Variants in NRIP1 observed in about 807,000 individuals in gnomAD.
NRIP1 encodes nuclear receptor-interacting protein 1.
A neutral mutation model predicts 75.0 loss-of-function variants in NRIP1; 28 were observed. The observed-to-expected ratio is 0.37, with a 90% CI of 0.28 to 0.51. The LOEUF is 0.51. Among genes scored for constraint, NRIP1 ranks in the 20% least tolerant of loss-of-function variants. NRIP1 has a pLI of 0.92. For missense variants in NRIP1, 1,435 were observed against 1,343.7 expected (o/e 1.07, Z -1.06); for synonymous variants, 526 against 487.6 (o/e 1.08, Z -1.04).
intron 3 of NRIP1, among the ~76,000 whole-genome samples, chr21:14,979,048 T>C (rs971972963): frequency 6.6e-6 from 1 of 152,214 alleles, no homozygotes; most frequent in Non-Finnish European, 1.5e-5. Flanking sequence ...TTATGATTAG[T>C]ACTAATGTCT....
chr21:15,056,471 T>C (rs1219803974), intron 1 of NRIP1, among the ~76,000 whole-genome samples: 1 of 152,168 alleles, frequency 6.6e-6, no homozygotes, highest in Non-Finnish European at 1.5e-5. Flanking sequence ...TCAATCCTTA[T>C]ATTTGGCTTC....
At chr21:15,045,963 T>C (rs568811482) in intron 1 of NRIP1, among the ~76,000 whole-genome samples, 2 of 152,294 alleles carry the variant, frequency 1.3e-5, no homozygotes, top group East Asian at 3.9e-4. Flanking sequence ...CCACTTCTAA[T>C]TCTAGTTTTC....
rs1238368462 is a variant in NRIP1, at chr21:14,963,783, G to A, written c.*933C>T. ...TTCTAATGCAAGTGGTCTGAGTTCA[G>A]GTTTAAGGAATCCTGGTCATAACAC... On this transcript the variant is annotated 3_prime_UTR_variant, in exon 4 of 4. Coordinates refer to ENST00000318948, the MANE Select transcript of NRIP1 (RefSeq NM_003489.4). 1 of 152,088 alleles carries A rather than the reference G, an allele frequency of 6.6e-6. No individual in the cohort carries two copies. The highest frequency in any genetic ancestry group is 6.6e-5 in the Admixed American group (1 of 15,256). The allele number at this position is 152,088 out of a possible 1,614,324, so 9.4% of individuals were successfully genotyped here.
chr21:14,989,841 T>C (rs1568962048), intron 3 of NRIP1, among the ~76,000 whole-genome samples: 1 of 152,020 alleles, frequency 6.6e-6, no homozygotes, highest in South Asian at 2.1e-4. Context: ...AAGAAACACG[T>C]TTCATATTCA....
At chr21:15,052,190 T>C (rs576975664) in intron 1 of NRIP1, 1 of 152,326 alleles carries the variant, frequency 6.6e-6, no homozygotes, top group South Asian at 2.1e-4. Flanking sequence ...CTCACCCATT[T>C]CATAGCTTTT....
intron 2 of NRIP1, among the ~76,000 whole-genome samples, chr21:15,026,206 GT>G (rs1406522980): frequency 6.6e-6 from 1 of 152,126 alleles, no homozygotes; most frequent in Non-Finnish European, 1.5e-5. Context: ...TAAAAAAACA[GT>G]TTTGAGTACA....
In NRIP1 at chr21:14,976,059, G is replaced by A. The variant is rs553261957; in HGVS notation, c.-334-7533C>T. Among the ~76,000 whole-genome samples, 4 of 152,130 alleles carry A rather than the reference G, an allele frequency of 2.6e-5. No homozygotes were observed. The South Asian group carries it at 6.2e-4, about 24-fold the overall frequency. ...AAAAGCATTTGAAAACTAAAACTGA[G>A]TCCAAAGAACCCTGATAGTATACCA... On this transcript the variant is annotated intron_variant, in intron 3 of 3. Transcript: ENST00000318948.
chr21:14,987,006 A>G (rs138749061), intron 3 of NRIP1, among the ~76,000 whole-genome samples: 1 of 152,346 alleles, frequency 6.6e-6, no homozygotes, highest in Non-Finnish European at 1.5e-5. Context: ...CTAATCAATC[A>G]TCCTGTCTGA....
At chr21:14,994,494 T>G (rs1323626827) in intron 3 of NRIP1, among the ~76,000 whole-genome samples, 2 of 152,218 alleles carry the variant, frequency 1.3e-5, no homozygotes, top group African/African-American at 4.8e-5. Flanking sequence ...AAAATAAAAC[T>G]ATTAGCTTAC....
At position 14,966,105 on chromosome 21, in the gene NRIP1, T is replaced by C; in HGVS notation, c.2088A>G (p.Pro696=). 3.7e-6 allele frequency: 6 copies of C among 1,612,444 alleles called. No homozygotes were observed. Among genetic ancestry groups the C allele is most frequent in the Non-Finnish European group, 5.1e-6 (6 of 1,179,970 alleles). ...TTTCTATTTCAGAACCAGAAAGCCC[T>C]GGTTCAGGACCTGTTGGTTGACTAC... ...AFSSQPTGPE[P]GLSGSEIENL... The change falls in exon 4 of 4, where the codon CCA becomes CCG. Residue 696 remains proline (P), a synonymous_variant. Coordinates refer to ENST00000318948, the MANE Select transcript of NRIP1 (RefSeq NM_003489.4).
intron 2 of NRIP1, among the ~76,000 whole-genome samples, chr21:15,036,075 T>C (rs1335970804): frequency 6.6e-6 from 1 of 152,200 alleles, no homozygotes; most frequent in African/African-American, 2.4e-5. Flanking sequence ...TGTGAGGTTA[T>C]ATCCATTTCT....
chr21:14,986,217 C>T (rs1419823074), intron 3 of NRIP1, among the ~76,000 whole-genome samples: 1 of 152,060 alleles, frequency 6.6e-6, no homozygotes, highest in African/African-American at 2.4e-5. Context: ...TATGAATGTT[C>T]AATGAATATG....
At chr21:15,064,439 C>T (rs1978662838) in intron 1 of NRIP1, among the ~76,000 whole-genome samples, 1 of 152,106 alleles carries the variant, frequency 6.6e-6, no homozygotes, top group South Asian at 2.1e-4. Flanking sequence ...CCCGGCCCCC[C>T]GAGTCCGGCC....
intron 1 of NRIP1, among the ~76,000 whole-genome samples, chr21:15,055,895 G>A (rs562400438): frequency 6.6e-6 from 1 of 151,738 alleles, no homozygotes; most frequent in East Asian, 1.9e-4. Context: ...AGGAAGATAA[G>A]TAATTATTGA....
chr21:15,050,740 AG>A, intron 1 of NRIP1: 1 of 456,050 alleles, frequency 2.2e-6, no homozygotes, highest in South Asian at 1.5e-5. Flanking sequence ...CTGGCTGGGA[AG>A]AGATTGCCCC....
chr21:14,967,529 C>T lies in NRIP1; in HGVS notation c.664G>A (p.Val222Ile). The change falls in exon 4 of 4, where the codon GTT (valine) becomes ATT (isoleucine). Residue 222 changes from valine (V) to isoleucine (I), a missense_variant. Coordinates refer to ENST00000318948, the MANE Select transcript of NRIP1 (RefSeq NM_003489.4). ...ATGACCTTTGTTCCACTTTGTCCAA[C>T]ATGATGAGGAGACTCTGCAAACCTA... ...RDRFAESPHH[V>I]GQSGTKVMSE... is the part of the protein sequence containing the mutation. 1.2e-6 allele frequency: 2 copies of T among 1,614,174 alleles called. No homozygotes were observed. Among genetic ancestry groups the T allele is most frequent in the Non-Finnish European group, 1.7e-6 (2 of 1,180,030 alleles).
intron 3 of NRIP1, among the ~76,000 whole-genome samples, chr21:14,990,320 C>T (rs2147067431): frequency 6.6e-6 from 1 of 151,836 alleles, no homozygotes; most frequent in East Asian, 1.9e-4. Flanking sequence ...CATTCAGATA[C>T]TGATATAATG....
At chr21:14,982,810 G>A (rs1226758860) in intron 3 of NRIP1, among the ~76,000 whole-genome samples, 1 of 150,904 alleles carries the variant, frequency 6.6e-6, no homozygotes, top group Non-Finnish European at 1.5e-5. Flanking sequence ...CCACTTTGTA[G>A]CTCTATGTCT....
chr21:15,004,679 T>C (rs992421290), intron 3 of NRIP1, among the ~76,000 whole-genome samples: 4 of 152,250 alleles, frequency 2.6e-5, no homozygotes, highest in Non-Finnish European at 5.9e-5. Flanking sequence ...GAAACAACTT[T>C]CTTAAAGTCC....
Sources: allele counts gnomAD v4.1 joint callset (sites outside exome capture counted in the v4.1 genomes callset), GRCh38; gene constraint gnomAD v4.1.1; transcripts MANE v1.5; gene names NCBI Gene and HGNC (gene_info 2026-07-23, HGNC 2026-07-21).